BTBD9: variants seen among roughly 807,000 people sequenced by gnomAD.
The protein encoded by BTBD9 is BTB/POZ domain-containing protein 9.
In BTBD9, 49 loss-of-function variants were observed where a neutral mutation model predicts 64.3. That is an observed-to-expected ratio of 0.76 (90% confidence interval 0.61 to 0.97). The LOEUF (loss-of-function observed/expected upper bound fraction) is 0.97. Among genes scored for constraint, BTBD9 ranks in the 50% least tolerant of loss-of-function variants. BTBD9 has a pLI of 0.00. For synonymous variants in BTBD9, 260 were observed against 274.7 expected, an observed-to-expected ratio of 0.95 and a Z score of 0.53; for missense variants, 598 against 762.1, an observed-to-expected ratio of 0.78 and a Z score of 2.53.
At chr6:38,258,616 C>G (rs372733545) in intron 8 of BTBD9, among the ~76,000 whole-genome samples, 2 of 152,172 alleles carry the variant, frequency 1.3e-5, no homozygotes, top group African/African-American at 4.8e-5. Flanking sequence ...AATGGCCGGG[C>G]GCAGTGGCTC....
intron 1 of BTBD9, among the ~76,000 whole-genome samples, chr6:38,610,477 G>A (rs1300606473): frequency 6.6e-6 from 1 of 152,206 alleles, no homozygotes; most frequent in Admixed American, 6.5e-5. Flanking sequence ...GAAAACGTGA[G>A]ATTGAAAAGG....
At chr6:38,438,579 C>T (rs1049234701) in intron 6 of BTBD9, among the ~76,000 whole-genome samples, 2 of 152,156 alleles carry the variant, frequency 1.3e-5, no homozygotes, top group Non-Finnish European at 2.9e-5. Context: ...TAAACCTTTC[C>T]GTCATTTAGG....
chr6:38,178,543 G>T (rs1181019701), intron 10 of BTBD9, among the ~76,000 whole-genome samples: 1 of 152,186 alleles, frequency 6.6e-6, no homozygotes, highest in East Asian at 1.9e-4. Flanking sequence ...GGGCATAGAG[G>T]AGTGGGACCC....
intron 6 of BTBD9, among the ~76,000 whole-genome samples, chr6:38,347,000 T>C (rs1764308462): frequency 6.6e-6 from 1 of 152,202 alleles, no homozygotes; most frequent in Non-Finnish European, 1.5e-5. Flanking sequence ...AACAGGGCCT[T>C]TTCCCAATGG....
At chr6:38,481,544 T>C (rs369568705) in intron 6 of BTBD9, 3 of 152,230 alleles carry the variant, frequency 2.0e-5, no homozygotes, top group South Asian at 2.1e-4. Flanking sequence ...CTCTTTTCAG[T>C]TGGTATCCCA....
rs141524458 is a variant in BTBD9 at position 38,617,108 on chromosome 6, C to T, written c.-27-18987G>A. Among the ~76,000 whole-genome samples, 10 of 152,308 alleles carry T rather than the reference C, an allele frequency of 6.6e-5. No individual in the cohort carries two copies. In the East Asian group the frequency reaches 1.5e-3, roughly 24 times the overall value. ...TAGTGCGGCCACCGGACTAAAGACA[C>T]GGGTGTCAGGCTTTCTAGGAAAGGG... is the stretch of plus-strand genomic sequence containing the variant. On this transcript the variant is annotated intron_variant, in intron 1 of 10. Transcript: ENST00000481247.
intron 6 of BTBD9, among the ~76,000 whole-genome samples, chr6:38,417,345 C>T (rs1767712245): frequency 1.3e-5 from 2 of 152,224 alleles, no homozygotes; most frequent in Admixed American, 1.3e-4. Context: ...TTGCCTGGGA[C>T]ATGCTCTAAT....
chr6:38,428,620 T>C (rs1019766153), intron 6 of BTBD9, among the ~76,000 whole-genome samples: 12 of 151,778 alleles, frequency 7.9e-5, no homozygotes, highest in African/African-American at 2.4e-4. Context: ...TACAAAGCTC[T>C]CAAAAATGAG....
At chr6:38,183,046 C>T (rs1236703014) in intron 10 of BTBD9, among the ~76,000 whole-genome samples, 15 of 150,298 alleles carry the variant, frequency 1.0e-4, no homozygotes, top group Non-Finnish European at 1.6e-4. Flanking sequence ...GTGGCACGAT[C>T]TCGGCTCACT....
At chr6:38,566,053 A>C (rs1775479958) in intron 6 of BTBD9, 1 of 152,236 alleles carries the variant, frequency 6.6e-6, no homozygotes, top group Non-Finnish European at 1.5e-5. Context: ...CTTGACTAAA[A>C]AAAAATTAAA....
At chr6:38,456,144 C>G (rs550578436) in intron 6 of BTBD9, among the ~76,000 whole-genome samples, 8 of 151,836 alleles carry the variant, frequency 5.3e-5, no homozygotes, top group Non-Finnish European at 1.2e-4. Context: ...TGTGCCACCA[C>G]GCCCTGCTAA....
chr6:38,537,374 T>C (rs1774068653), intron 6 of BTBD9, among the ~76,000 whole-genome samples: 1 of 152,238 alleles, frequency 6.6e-6, no homozygotes, highest in Non-Finnish European at 1.5e-5. Flanking sequence ...AATTTCTTTT[T>C]ATTATCTTCC....
chr6:38,469,771 C>A (rs1406721768), intron 6 of BTBD9, among the ~76,000 whole-genome samples: 2 of 152,140 alleles, frequency 1.3e-5, no homozygotes, highest in Non-Finnish European at 2.9e-5. Context: ...TAATTTTCAC[C>A]TTGAACTATA....
intron 6 of BTBD9, among the ~76,000 whole-genome samples, chr6:38,370,088 T>G (rs1405803694): frequency 6.6e-6 from 1 of 152,226 alleles, no homozygotes; most frequent in Non-Finnish European, 1.5e-5. Context: ...TGTATCCTGA[T>G]TGTAAATTCC....
intron 3 of BTBD9, among the ~76,000 whole-genome samples, chr6:38,593,086 A>G (rs976596614): frequency 9.9e-5 from 15 of 152,224 alleles, no homozygotes; most frequent in African/African-American, 3.6e-4. Flanking sequence ...CTTTCCAAAC[A>G]CATCTGCATT....
intron 6 of BTBD9, among the ~76,000 whole-genome samples, chr6:38,356,284 A>G (rs1017186342): frequency 2.0e-5 from 3 of 152,140 alleles, no homozygotes; most frequent in African/African-American, 4.8e-5. Flanking sequence ...TTCTTGAATT[A>G]CTGTTATTAA....
intron 1 of BTBD9, among the ~76,000 whole-genome samples, chr6:38,628,643 G>T (rs1361338507): frequency 6.6e-6 from 1 of 152,064 alleles, no homozygotes; most frequent in Non-Finnish European, 1.5e-5. Flanking sequence ...ATAGAAATGT[G>T]TGGAATACAC....
At position 38,385,490 on chromosome 6, in the gene BTBD9, C is replaced by T. The variant is rs1465965786; in HGVS notation, c.1155-40397G>A. ...TAGGCGTGAGCCACCACACCCGGCC[C>T]TTTATGTACTTTTGATATTAAAATC... On this transcript the variant is annotated intron_variant, in intron 6 of 10. Coordinates refer to ENST00000481247, the MANE Select transcript of BTBD9 (RefSeq NM_001099272.2). 4.0e-5 allele frequency among the ~76,000 whole-genome samples: 6 copies of T among 151,780 alleles called. No homozygotes were observed. In the East Asian group the frequency reaches 7.8e-4, roughly 20 times the overall value.
intron 10 of BTBD9, among the ~76,000 whole-genome samples, chr6:38,191,605 C>A (rs1276098511): frequency 6.6e-6 from 1 of 152,240 alleles, no homozygotes; most frequent in East Asian, 1.9e-4. Context: ...AGGACTCACA[C>A]CAGACTCGGG....
Sources: gnomAD v4.1 joint callset for allele counts (sites outside exome capture counted in the v4.1 genomes callset) on GRCh38, gnomAD v4.1.1 for gene constraint, MANE v1.5 for transcripts, NCBI Gene and HGNC (gene_info 2026-07-23, HGNC 2026-07-21) for gene names.